Variants in SMYD1 observed in about 807,000 individuals in gnomAD.
SMYD1 encodes the protein SET and MYND domain containing 1.
A neutral mutation model predicts 54.0 loss-of-function variants in SMYD1; 49 were observed. The ratio of observed to expected loss-of-function variants is 0.91; its 90% CI spans 0.72 to 1.15. The LOEUF (loss-of-function observed/expected upper bound fraction) is 1.15, where lower values mean the gene tolerates loss of function less well. Ranked by LOEUF, SMYD1 falls within the 50% of genes most tolerant of loss-of-function variation. The pLI, the probability that SMYD1 is intolerant of heterozygous loss-of-function variation, is 0.00. For synonymous variants in SMYD1, 269 were observed against 234.2 expected (o/e 1.15, Z -1.36); for missense variants, 653 against 639.6 (o/e 1.02, Z -0.23).
chr2:88,086,824 C>T (rs1674338824), intron 2 of SMYD1, among the ~76,000 whole-genome samples: 1 of 151,152 alleles, frequency 6.6e-6, no homozygotes. Context: ...TATCTCTACC[C>T]ATCCCTATCT....
chr2:88,093,404 T>A, intron 4 of SMYD1, 113 bp from the exon 5 acceptor site: 1 of 1,255,854 alleles, frequency 8.0e-7, no homozygotes, highest in Non-Finnish European at 1.2e-6. Context: ...AAGGTTATTG[T>A]GATGGCCAAA....
At chr2:88,086,560 C>T (rs181151378) in intron 2 of SMYD1, among the ~76,000 whole-genome samples, 16 of 152,294 alleles carry the variant, frequency 1.1e-4, no homozygotes, top group Admixed American at 9.2e-4. Flanking sequence ...CCCAGAGCCC[C>T]GCTCCGGCCA....
intron 1 of SMYD1, among the ~76,000 whole-genome samples, chr2:88,081,428 C>A (rs1162128503): frequency 6.6e-6 from 1 of 151,226 alleles, no homozygotes; most frequent in East Asian, 1.9e-4. Context: ...TGTAATTTGA[C>A]CCTAATTTTT....
intron 1 of SMYD1, among the ~76,000 whole-genome samples, chr2:88,075,677 A>G (rs1674046636): frequency 6.6e-6 from 1 of 151,592 alleles, no homozygotes; most frequent in African/African-American, 2.4e-5. Context: ...AGCTGGGACT[A>G]CAGGTGCCTG....
intron 9 of SMYD1, among the ~76,000 whole-genome samples, 171 bp from the exon 10 acceptor site, chr2:88,110,183 T>C (rs1391158451): frequency 1.5e-5 from 2 of 136,144 alleles, no homozygotes; most frequent in African/African-American, 5.5e-5. Flanking sequence ...GCCAGGACAT[T>C]AGGCCCTTGA....
At chr2:88,091,721 G>T (rs74195454) in intron 4 of SMYD1, among the ~76,000 whole-genome samples, 1 of 152,008 alleles carries the variant, frequency 6.6e-6, no homozygotes, top group Non-Finnish European at 1.5e-5. Flanking sequence ...TACATTAGCC[G>T]GGCATGGTGG....
At chr2:88,096,495 T>A in intron 5 of SMYD1, 100 bp from the exon 6 acceptor site, 2 of 1,032,980 alleles carry the variant, frequency 1.9e-6, no homozygotes, top group South Asian at 3.1e-5. Flanking sequence ...TCAGTGAAAG[T>A]CATTGTCTTT....
intron 1 of SMYD1, among the ~76,000 whole-genome samples, chr2:88,080,318 CAG>C (rs1287188170): frequency 1.3e-5 from 2 of 150,822 alleles, no homozygotes; most frequent in African/African-American, 4.8e-5. Flanking sequence ...AACAATAAAA[CAG>C]AGAATTGTGA....
intron 1 of SMYD1, among the ~76,000 whole-genome samples, chr2:88,070,153 T>A (rs572451438): frequency 6.6e-6 from 1 of 152,264 alleles, no homozygotes; most frequent in African/African-American, 2.4e-5. Flanking sequence ...TACCCAAACT[T>A]GTCACTGCAT....
chr2:88,111,863 AC>A lies in SMYD1; in HGVS notation c.*1354del, dbSNP rs959666361. 45 of 554,140 alleles carry A rather than the reference AC, an allele frequency of 8.1e-5. No individual in the cohort carries two copies. The highest frequency in any genetic ancestry group is 7.1e-4 in the African/African-American group (38 of 53,192). The allele number at this position is 554,140 out of a possible 1,614,324, so 34.3% of individuals were successfully genotyped here. A position where few individuals can be genotyped will look rare whatever the true frequency, so the allele number is the denominator to read the frequency against. On this transcript the variant is annotated 3_prime_UTR_variant, in exon 10 of 10. Coordinates refer to ENST00000419482, the MANE Select transcript of SMYD1 (RefSeq NM_198274.4). ...GGGGTGTCACCAAGACTTCTACACA[AC>A]CCAGGACTACCATTGACCTCAGAGC... is the stretch of plus-strand genomic sequence containing the variant.
Position 88,089,154 on chromosome 2 carries a change from G to A in SMYD1, c.528+1079G>A, listed in dbSNP as rs116812304. On this transcript the variant is annotated intron_variant, in intron 3 of 9. Transcript: ENST00000419482. ...CAGGGAAGTGTTGCAGTTCAAGTCC[G>A]GAGGCATTCTGCTGGCAGAACTCCT... Among the ~76,000 whole-genome samples the A allele has an allele frequency of 1.6e-3, 250 of 152,302 alleles. 2 individuals carry two copies. Among genetic ancestry groups the A allele is most frequent in the Middle Eastern group, 6.8e-3 (2 of 294 alleles).
chr2:88,080,966 A>G (rs1674176052), intron 1 of SMYD1, among the ~76,000 whole-genome samples: 1 of 151,052 alleles, frequency 6.6e-6, no homozygotes, highest in Non-Finnish European at 1.5e-5. Context: ...GCAGTGGTAC[A>G]ATCTTGGCTC....
At chr2:88,107,198 CA>C (rs552894410) in intron 8 of SMYD1, among the ~76,000 whole-genome samples, 59 of 145,200 alleles carry the variant, frequency 4.1e-4, no homozygotes, top group Middle Eastern at 3.5e-3. Context: ...AAGACTGTCT[CA>C]AAAAAAAAAA....
At chr2:88,103,291 G>A (rs1166900646) in intron 7 of SMYD1, 141 bp downstream of exon 7, 2 of 653,102 alleles carry the variant, frequency 3.1e-6, no homozygotes, top group Non-Finnish European at 5.4e-6. Context: ...ATGTCCCTTG[G>A]TTGAGATCAT....
At chr2:88,079,134 G>A (rs974860856) in intron 1 of SMYD1, among the ~76,000 whole-genome samples, 1 of 152,184 alleles carries the variant, frequency 6.6e-6, no homozygotes, top group Non-Finnish European at 1.5e-5. Flanking sequence ...TTGATCCAAG[G>A]CTTGATAAAA....
In SMYD1 at chr2:88,067,913, A is replaced by C. The variant is rs1558844033; in HGVS notation, c.49A>C (p.Lys17Gln). ...CGTGGAGGTCTTCACCGCTGAGGGCAAAGGAAGGGGTCTGAAGGCCACCAA... is the reference window on the plus strand; with the variant it reads ...CGTGGAGGTCTTCACCGCTGAGGGCCAAGGAAGGGGTCTGAAGGCCACCAA... ...ENVEVFTAEG[K>Q]GRGLKATKEF... Residue 17 changes from lysine to glutamine, a missense_variant, in exon 1 of 10, where the codon AAA (lysine) becomes CAA (glutamine). By Grantham distance (53) the Lys-to-Gln change is moderately conservative. Coordinates refer to ENST00000419482, the MANE Select transcript of SMYD1 (RefSeq NM_198274.4). 1.2e-6 allele frequency: 2 copies of C among 1,614,078 alleles called. No individual in the cohort carries two copies. Among genetic ancestry groups the C allele is most frequent in the Non-Finnish European group, 1.7e-6 (2 of 1,180,020 alleles).
At chr2:88,107,210 AT>A (rs1045159618) in intron 8 of SMYD1, among the ~76,000 whole-genome samples, 4 of 152,014 alleles carry the variant, frequency 2.6e-5, no homozygotes, top group Non-Finnish European at 5.9e-5. Flanking sequence ...AAAAAAAAAA[AT>A]TGTAAAATTC....
chr2:88,089,585 G>GTTTTTTTT (rs59808789), intron 3 of SMYD1, among the ~76,000 whole-genome samples: 4 of 107,010 alleles, frequency 3.7e-5, no homozygotes, highest in Non-Finnish European at 3.7e-5. Context: ...GCTTCTACCT[G>GTTTTTTTT]TTTTTTTTTT....
At chr2:88,106,528 T>C in intron 8 of SMYD1, 40 bp downstream of exon 8, 1 of 1,592,632 alleles carries the variant, frequency 6.3e-7, no homozygotes, top group Non-Finnish European at 8.6e-7. Flanking sequence ...CTCCTGGAAG[T>C]GTGTGTATTC....
Sources: gnomAD v4.1 joint callset for allele counts (sites outside exome capture counted in the v4.1 genomes callset) on GRCh38, gnomAD v4.1.1 for gene constraint, MANE v1.5 for transcripts, NCBI Gene and HGNC (gene_info 2026-07-23, HGNC 2026-07-21) for gene names.